The following SBK1 variants were observed in gnomAD, a reference collection of about 807,000 sequenced individuals.
SBK1 encodes serine/threonine-protein kinase SBK1.
A neutral mutation model predicts 24.4 loss-of-function variants in SBK1; 11 were observed. The observed-to-expected ratio is 0.45, with a 90% CI of 0.28 to 0.75. SBK1 has a LOEUF of 0.75. Among genes scored for constraint, SBK1 ranks in the 30% least tolerant of loss-of-function variants. SBK1 has a pLI of 0.12. For synonymous variants in SBK1, 308 were observed against 284.4 expected, an observed-to-expected ratio of 1.08 and a Z score of -0.83; for missense variants, 467 against 620.5, an observed-to-expected ratio of 0.75 and a Z score of 2.63.
At position 28,321,721 on chromosome 16, in the gene SBK1, G is replaced by A. The variant is rs1024085985; in HGVS notation, c.*800G>A. 1 of 152,640 alleles carries A rather than the reference G, an allele frequency of 6.6e-6. No individual in the cohort carries two copies. The highest frequency in any genetic ancestry group is 2.4e-5 in the African/African-American group (1 of 41,398). The allele number at this position is 152,640 out of a possible 1,614,324, so 9.5% of individuals were successfully genotyped here. ...CCCCGCCCCTCCCCCTAACCACAAG[G>A]GATTGTCCTGACAACTTGTGGGGAT... On this transcript the variant is annotated 3_prime_UTR_variant, in exon 4 of 4. Coordinates refer to ENST00000341901, the MANE Select transcript of SBK1 (RefSeq NM_001024401.3).
In SBK1 at chr16:28,292,818, C is replaced by T. The variant is rs2044610504; in HGVS notation, c.-490C>T. ...GGGGGGGCCCTCCCGGATCCGACAC[C>T]GAGCGACTCCCCTGCGGGGAAAGCG... On this transcript the variant is annotated 5_prime_UTR_variant, in exon 1 of 4. Transcript: ENST00000341901. 3.0e-6 allele frequency: 3 copies of T among 985,294 alleles called. No individual in the cohort carries two copies. The highest frequency in any genetic ancestry group is 1.2e-4 in the Admixed American group (2 of 16,274). 61.0% of individuals were successfully genotyped at this position (985,294 alleles called of 1,614,324 possible).
chr16:28,276,876 G>C (rs1049169468), intron 1 of SBK1, among the ~76,000 whole-genome samples: 1 of 152,088 alleles, frequency 6.6e-6, no homozygotes, highest in Non-Finnish European at 1.5e-5. Flanking sequence ...GTGTTAGCCA[G>C]GATGGTCTTG....
At chr16:28,302,551 G>A (rs2044686274) in intron 1 of SBK1, among the ~76,000 whole-genome samples, 1 of 152,088 alleles carries the variant, frequency 6.6e-6, no homozygotes, top group Non-Finnish European at 1.5e-5. Context: ...TTCTCCTCTG[G>A]CCCTTCTCTG....
At chr16:28,281,647 A>T (rs1253050485) in intron 1 of SBK1, among the ~76,000 whole-genome samples, 1 of 152,178 alleles carries the variant, frequency 6.6e-6, no homozygotes, top group Non-Finnish European at 1.5e-5. Flanking sequence ...CTTCAGCAAA[A>T]GCCTCAGCCT....
intron 1 of SBK1, among the ~76,000 whole-genome samples, chr16:28,311,661 C>T (rs2044755753): frequency 6.6e-6 from 1 of 151,012 alleles, no homozygotes; most frequent in Admixed American, 6.6e-5. Flanking sequence ...CCATGATCTG[C>T]ACTCCAGCCT....
At chr16:28,300,040 G>T (rs553776726) in intron 1 of SBK1, among the ~76,000 whole-genome samples, 2 of 152,260 alleles carry the variant, frequency 1.3e-5, no homozygotes, top group African/African-American at 4.8e-5. Context: ...CCTCTTTCCC[G>T]CTCTGCTGTT....
In SBK1 at chr16:28,292,590, G is replaced by C; in HGVS notation, c.-718G>C. ...GGGGCCCGAGCGCCAGGCGGAGCGC[G>C]AGCTGGAGCCGCAGCCGGAGCCCGG... On this transcript the variant is annotated 5_prime_UTR_variant, in exon 1 of 4. Transcript: ENST00000341901. The C allele has an allele frequency of 1.0e-6, 1 of 980,392 alleles. No individual in the cohort carries two copies. The highest frequency in any genetic ancestry group is 4.7e-5 in the South Asian group (1 of 21,350). The allele number at this position is 980,392 out of a possible 1,614,324, so 60.7% of individuals were successfully genotyped here.
intron 1 of SBK1, among the ~76,000 whole-genome samples, chr16:28,305,537 CTTTT>C (rs771013330): frequency 7.9e-6 from 1 of 126,484 alleles, no homozygotes. Context: ...TTCTTTGTTT[CTTTT>C]TTTTTTTTTT....
At position 28,317,168 on chromosome 16, in the gene SBK1, T is replaced by G. The variant is rs549291647; in HGVS notation, c.-7-217T>G. 9.5e-4 allele frequency among the ~76,000 whole-genome samples: 144 copies of G among 152,166 alleles called. No homozygotes were observed. The highest frequency in any genetic ancestry group is 3.3e-3 in the African/African-American group (137 of 41,510). On this transcript the variant is annotated intron_variant, in intron 1 of 3. Transcript: ENST00000341901. This position sits in a 1 kb window ranked among gnomAD's most constrained non-coding sequence, Gnocchi z 4.2. ...GGCTGGTGCCACCAAGCGCAGGGTCTGGCAGTGACTGGTCTTCGGGGAGCT... is the reference window on the plus strand; with the variant it reads ...GGCTGGTGCCACCAAGCGCAGGGTCGGGCAGTGACTGGTCTTCGGGGAGCT...
chr16:28,322,506 C>T lies in SBK1; in HGVS notation c.*1585C>T, dbSNP rs1329298427. The T allele has an allele frequency of 2.0e-5, 3 of 152,876 alleles. No homozygotes were observed. The East Asian group carries it at 5.7e-4, about 29-fold the overall frequency. 9.5% of individuals were successfully genotyped at this position (152,876 alleles called of 1,614,324 possible). ...GGCCGGCCAGAGTGAACTCCGAGCACTTTCTGGCTGGTGCCCCAACCTCTC... is the reference window on the plus strand; with the variant it reads ...GGCCGGCCAGAGTGAACTCCGAGCATTTTCTGGCTGGTGCCCCAACCTCTC... On this transcript the variant is annotated 3_prime_UTR_variant, in exon 4 of 4. Coordinates refer to ENST00000341901, the MANE Select transcript of SBK1 (RefSeq NM_001024401.3).
At chr16:28,278,882 T>C (rs1385543649) in intron 1 of SBK1, among the ~76,000 whole-genome samples, 1 of 152,144 alleles carries the variant, frequency 6.6e-6, no homozygotes, top group Non-Finnish European at 1.5e-5. Context: ...ACCTGTGAGG[T>C]CTGCACTTGC....
chr16:28,260,603 C>T (rs972059882), intron 1 of SBK1, among the ~76,000 whole-genome samples: 1 of 152,184 alleles, frequency 6.6e-6, no homozygotes, highest in African/African-American at 2.4e-5. Flanking sequence ...ACTCTGGGTG[C>T]ACAGTTCCCG....
chr16:28,319,480 C>T lies in SBK1; in HGVS notation c.429+283C>T, dbSNP rs142326388. ...GAAGTCACTGGGCCCTCCCCTGGGGCTACACAAGAGGAGAGGTGTCAGATC... is the reference window on the plus strand; with the variant it reads ...GAAGTCACTGGGCCCTCCCCTGGGGTTACACAAGAGGAGAGGTGTCAGATC... On this transcript the variant is annotated intron_variant, in intron 3 of 3. Transcript: ENST00000341901. The surrounding 1 kb of genome is among the most constrained non-coding windows in gnomAD (Gnocchi z 4.0). Among the ~76,000 whole-genome samples, 94 of 152,244 alleles carry T rather than the reference C, an allele frequency of 6.2e-4. 2 individuals carry two copies. In the East Asian group the frequency reaches 0.015, roughly 24 times the overall value.
Position 28,315,313 on chromosome 16 carries a change from A to G in SBK1, c.-7-2072A>G, listed in dbSNP as rs192894721. On this transcript the variant is annotated intron_variant, in intron 1 of 3. Transcript: ENST00000341901. ...CGTGGTCTCGACGGCAGGGATGTAT[A>G]CATATGTCAGAATCATCACACTGTA... is the stretch of plus-strand genomic sequence containing the variant. Among the ~76,000 whole-genome samples, 5 of 152,358 alleles carry G rather than the reference A, an allele frequency of 3.3e-5. No homozygotes were observed. In the East Asian group the frequency reaches 5.8e-4, roughly 18 times the overall value.
chr16:28,274,637 G>C (rs920183937), intron 1 of SBK1, among the ~76,000 whole-genome samples: 1 of 152,108 alleles, frequency 6.6e-6, no homozygotes, highest in Non-Finnish European at 1.5e-5. Context: ...GGGTGAGAGA[G>C]TGAGACTCTG....
In SBK1 at chr16:28,317,594, A is replaced by C; in HGVS notation, c.203A>C (p.Asp68Ala). ...ELGKGTYGKV[D>A]LVVYKGTGTK... ...GGCAAAGGCACCTATGGGAAGGTTG[A>C]CCTGGTGGTCTACAAGGGCACAGGT... The change falls in exon 2 of 4, where the codon GAC (aspartate) becomes GCC (alanine). Residue 68 changes from aspartate to alanine, a missense_variant. Around this residue, in one of 4 missense-constraint regions of SBK1, gnomAD observed 123 missense variants for 158.2 expected, o/e 0.78. Coordinates refer to ENST00000341901, the MANE Select transcript of SBK1 (RefSeq NM_001024401.3). This position sits in a 1 kb window ranked among gnomAD's most constrained non-coding sequence, Gnocchi z 4.2. 6.2e-7 allele frequency: 1 copy of C among 1,613,060 alleles called. No individual in the cohort carries two copies.
chr16:28,261,826 T>C (rs2044399657), intron 1 of SBK1, among the ~76,000 whole-genome samples: 1 of 152,124 alleles, frequency 6.6e-6, no homozygotes, highest in South Asian at 2.1e-4. Context: ...GAATAGGCCT[T>C]AGGGTTGGCA....
intron 1 of SBK1, among the ~76,000 whole-genome samples, chr16:28,267,484 G>T (rs2044436544): frequency 6.6e-6 from 1 of 152,228 alleles, no homozygotes; most frequent in South Asian, 2.1e-4. Flanking sequence ...CATTTGCAAA[G>T]TCCCTTTTGC....
At chr16:28,282,042 G>A (rs1340229971) in intron 1 of SBK1, among the ~76,000 whole-genome samples, 1 of 152,148 alleles carries the variant, frequency 6.6e-6, no homozygotes, top group African/African-American at 2.4e-5. Context: ...TTCCCCATCT[G>A]GGGGAAGACC....
Sources: gnomAD v4.1 joint callset for allele counts (sites outside exome capture counted in the v4.1 genomes callset) on GRCh38, gnomAD v4.1.1 for gene constraint, gnomAD v4.1.1 regional missense constraint, Gnocchi (gnomAD v3.1) non-coding constraint, MANE v1.5 for transcripts, NCBI Gene and HGNC (gene_info 2026-07-23, HGNC 2026-07-21) for gene names.